Variants in SPAG16 observed in about 807,000 individuals in gnomAD.
The protein encoded by SPAG16 is sperm-associated antigen 16 protein.
Under a neutral mutation model 80.4 loss-of-function variants are expected in SPAG16, and 86 were observed. The observed-to-expected ratio is 1.07, with a 90% CI of 0.90 to 1.28. SPAG16 has a LOEUF of 1.28. SPAG16 is among the 50% of genes most tolerant of loss of function. The pLI is 0.00. For missense variants in SPAG16, 870 were observed against 765.3 expected, an observed-to-expected ratio of 1.14 and a Z score of -1.61; for synonymous variants, 294 against 265.9, an observed-to-expected ratio of 1.11 and a Z score of -1.03.
intron 15 of SPAG16, among the ~76,000 whole-genome samples, chr2:214,253,702 T>C (rs1028365489): frequency 6.6e-6 from 1 of 152,192 alleles, no homozygotes; most frequent in African/African-American, 2.4e-5. Flanking sequence ...TTTTGGTTGC[T>C]GTACACTCAT....
intron 11 of SPAG16, among the ~76,000 whole-genome samples, chr2:213,864,729 C>G (rs2075618026): frequency 6.6e-6 from 1 of 152,038 alleles, no homozygotes; most frequent in South Asian, 2.1e-4. Flanking sequence ...CTGTCAGGCA[C>G]TCTATCTTCT....
intron 15 of SPAG16, among the ~76,000 whole-genome samples, chr2:214,285,375 G>T (rs527947713): frequency 6.6e-6 from 1 of 151,968 alleles, no homozygotes; most frequent in African/African-American, 2.4e-5. Flanking sequence ...ACATATTTTG[G>T]ATATTAAGCC....
At chr2:214,302,365 G>A (rs975915803) in intron 15 of SPAG16, among the ~76,000 whole-genome samples, 2 of 152,210 alleles carry the variant, frequency 1.3e-5, no homozygotes, top group African/African-American at 2.4e-5. Context: ...ATGCCGTCAT[G>A]TAATGACTGG....
intron 12 of SPAG16, among the ~76,000 whole-genome samples, chr2:214,000,831 A>C (rs7578505): frequency 0.14 from 20,599 of 152,114 alleles, 1,749 homozygotes; most frequent in African/African-American, 0.25. Flanking sequence ...TGGGTTAAAT[A>C]GATTTTTTTT....
intron 15 of SPAG16, among the ~76,000 whole-genome samples, chr2:214,269,689 G>A (rs1177587368): frequency 1.3e-5 from 2 of 152,094 alleles, no homozygotes. Context: ...AGGGGGTGGT[G>A]AAACATATGT....
At chr2:213,515,804 G>C (rs922895913) in intron 10 of SPAG16, among the ~76,000 whole-genome samples, 19 of 152,146 alleles carry the variant, frequency 1.2e-4, no homozygotes, top group African/African-American at 4.6e-4. Flanking sequence ...TGGGAGCCAG[G>C]AATGCAAGAG....
chr2:213,992,210 T>A (rs1376515894), intron 12 of SPAG16, among the ~76,000 whole-genome samples: 1 of 152,178 alleles, frequency 6.6e-6, no homozygotes, highest in Non-Finnish European at 1.5e-5. Context: ...TGAACCAAGG[T>A]GATATTTTAC....
chr2:213,476,879 G>A (rs1287376415), intron 9 of SPAG16, among the ~76,000 whole-genome samples: 1 of 152,130 alleles, frequency 6.6e-6, no homozygotes, highest in African/African-American at 2.4e-5. Context: ...CTACATTCTT[G>A]TCCTGTGACC....
intron 10 of SPAG16, among the ~76,000 whole-genome samples, chr2:213,827,140 T>G (rs1224217450): frequency 1.3e-5 from 2 of 152,018 alleles, no homozygotes; most frequent in African/African-American, 4.8e-5. Context: ...CTCATCAATT[T>G]AGCCACTCTA....
intron 15 of SPAG16, among the ~76,000 whole-genome samples, chr2:214,172,201 C>A (rs931720789): frequency 6.6e-6 from 1 of 151,840 alleles, no homozygotes; most frequent in Admixed American, 6.6e-5. Flanking sequence ...CCCATTAACT[C>A]GTCATTTAGC....
chr2:214,372,984 T>G (rs759928172), intron 15 of SPAG16, among the ~76,000 whole-genome samples: 1 of 152,210 alleles, frequency 6.6e-6, no homozygotes, highest in Non-Finnish European at 1.5e-5. Flanking sequence ...AAAGCAGTAT[T>G]CACAAGGGAA....
intron 8 of SPAG16, among the ~76,000 whole-genome samples, chr2:213,373,120 C>A (rs1222491555): frequency 6.8e-6 from 1 of 147,068 alleles, no homozygotes; most frequent in Non-Finnish European, 1.5e-5. Context: ...TAGCCTTTGT[C>A]ATTAATAAGC....
At chr2:214,157,001 TA>T (rs768142841) in intron 15 of SPAG16, among the ~76,000 whole-genome samples, 10 of 152,170 alleles carry the variant, frequency 6.6e-5, no homozygotes, top group Non-Finnish European at 1.5e-4. Context: ...TGAATTATTT[TA>T]CAATCCCATT....
chr2:214,044,026 G>C (rs553870265), intron 13 of SPAG16, among the ~76,000 whole-genome samples: 2 of 151,968 alleles, frequency 1.3e-5, no homozygotes, highest in African/African-American at 4.8e-5. Flanking sequence ...ATTTTATATA[G>C]AGTAAGAATT....
At chr2:213,620,875 T>C (rs981560187) in intron 10 of SPAG16, among the ~76,000 whole-genome samples, 4 of 152,274 alleles carry the variant, frequency 2.6e-5, no homozygotes, top group South Asian at 2.1e-4. Context: ...ATTTAAGTGC[T>C]TAAGAAATTG....
intron 11 of SPAG16, among the ~76,000 whole-genome samples, chr2:213,878,526 T>C (rs1461707571): frequency 2.6e-5 from 4 of 152,244 alleles, no homozygotes; most frequent in African/African-American, 4.8e-5. Flanking sequence ...GCGGAGTTTT[T>C]TGAGTTCCTT....
chr2:213,946,315 A>T (rs1182092605), intron 12 of SPAG16, among the ~76,000 whole-genome samples: 1 of 152,022 alleles, frequency 6.6e-6, no homozygotes, highest in African/African-American at 2.4e-5. Flanking sequence ...GGGTTTTACC[A>T]TATTGGCCAG....
chr2:214,210,117 G>A (rs897628529), intron 15 of SPAG16, among the ~76,000 whole-genome samples: 1 of 152,034 alleles, frequency 6.6e-6, no homozygotes, highest in Non-Finnish European at 1.5e-5. Context: ...TCCAGGACAG[G>A]ATTAGAGGGT....
chr2:213,899,374 T>G (rs1299964757), intron 11 of SPAG16, among the ~76,000 whole-genome samples: 2 of 152,090 alleles, frequency 1.3e-5, no homozygotes, highest in African/African-American at 2.4e-5. Flanking sequence ...AAGGAAGACT[T>G]TCTAACAGAG....
Sources: allele counts gnomAD v4.1 joint callset (sites outside exome capture counted in the v4.1 genomes callset), GRCh38; gene constraint gnomAD v4.1.1; transcripts MANE v1.5; gene names NCBI Gene and HGNC (gene_info 2026-07-23, HGNC 2026-07-21).